The following AKAP13 variants were observed in gnomAD, a reference collection of about 807,000 sequenced individuals.
AKAP13 encodes the protein A-kinase anchor protein 13.
In AKAP13, 80 loss-of-function variants were observed where a neutral mutation model predicts 264.5. That is an observed-to-expected ratio of 0.30 (90% CI 0.25 to 0.36). The LOEUF (loss-of-function observed/expected upper bound fraction) is 0.36, where lower values mean the gene tolerates loss of function less well. AKAP13 is among the 10% of genes least tolerant of loss of function. The probability of loss-of-function intolerance (pLI) is 1.00; values close to 1 mark genes in which losing one functional copy is unlikely to be tolerated. For missense variants in AKAP13, 3,712 were observed against 3,435.2 expected (o/e 1.08, Z -2.01); for synonymous variants, 1,380 against 1,250.2 (o/e 1.10, Z -2.19).
chr15:85,482,215 A>G (rs1044727274), intron 1 of AKAP13, among the ~76,000 whole-genome samples: 9 of 152,124 alleles, frequency 5.9e-5, no homozygotes, highest in Non-Finnish European at 1.3e-4. Context: ...TATTTCTATT[A>G]CTTGCTTTTT....
intron 2 of AKAP13, among the ~76,000 whole-genome samples, chr15:85,499,287 A>AT (rs781301843): frequency 1.4e-4 from 21 of 152,106 alleles, no homozygotes; most frequent in Non-Finnish European, 2.8e-4. Context: ...AGCACTTCAC[A>AT]TTTTTTTCAT....
intron 14 of AKAP13, 40 bp from the exon 15 acceptor site, chr15:85,682,118 A>C (rs1597040313): frequency 6.3e-7 from 1 of 1,595,162 alleles, no homozygotes; most frequent in East Asian, 2.2e-5. Flanking sequence ...ATCAGTGTTA[A>C]ATTTTTTGGT....
intron 1 of AKAP13, among the ~76,000 whole-genome samples, chr15:85,464,258 T>A (rs553666582): frequency 2.5e-4 from 38 of 152,316 alleles, no homozygotes; most frequent in Non-Finnish European, 4.4e-4. Flanking sequence ...TAGTATGTGT[T>A]AAAAATAGTT....
At chr15:85,650,779 A>C (rs1245560690) in intron 10 of AKAP13, among the ~76,000 whole-genome samples, 10 of 145,848 alleles carry the variant, frequency 6.9e-5, no homozygotes, top group African/African-American at 1.7e-4. Flanking sequence ...AAAAAAAAAA[A>C]AAAAAAAAAA....
intron 10 of AKAP13, among the ~76,000 whole-genome samples, chr15:85,648,183 TC>T (rs1460975170): frequency 1.3e-5 from 2 of 152,248 alleles, no homozygotes; most frequent in Non-Finnish European, 2.9e-5. Flanking sequence ...ATCTCTAAGT[TC>T]CAGCTTTAAA....
At chr15:85,558,124 T>TA (rs922399942) in intron 5 of AKAP13, among the ~76,000 whole-genome samples, 1 of 152,106 alleles carries the variant, frequency 6.6e-6, no homozygotes, top group Non-Finnish European at 1.5e-5. Flanking sequence ...ATTGAAAAGT[T>TA]AAAAAAAATC....
At chr15:85,418,076 T>C (rs975177898) in intron 1 of AKAP13, among the ~76,000 whole-genome samples, 2 of 148,888 alleles carry the variant, frequency 1.3e-5, no homozygotes, top group Admixed American at 6.7e-5. Flanking sequence ...TCATTATTAT[T>C]ATTATTATTA....
intron 1 of AKAP13, among the ~76,000 whole-genome samples, chr15:85,442,973 C>G (rs1012929574): frequency 2.6e-5 from 4 of 152,160 alleles, no homozygotes; most frequent in African/African-American, 9.7e-5. Context: ...TTCATCCTCC[C>G]TAACTCCCTG....
chr15:85,508,971 A>G (rs1291687848), intron 2 of AKAP13, among the ~76,000 whole-genome samples: 4 of 152,120 alleles, frequency 2.6e-5, no homozygotes, highest in Non-Finnish European at 5.9e-5. Context: ...TATTTCAGAC[A>G]AACTTTAACC....
At chr15:85,695,928 A>T (rs1175525815) in intron 17 of AKAP13, among the ~76,000 whole-genome samples, 1 of 152,198 alleles carries the variant, frequency 6.6e-6, no homozygotes, top group Non-Finnish European at 1.5e-5. Context: ...TAGCCATTGG[A>T]CACAGTTAGC....
chr15:85,679,084 CA>C (rs2084430417), intron 14 of AKAP13, among the ~76,000 whole-genome samples: 1 of 151,730 alleles, frequency 6.6e-6, no homozygotes, highest in African/African-American at 2.4e-5. Context: ...ACCAAAAATA[CA>C]AAAAAATTAG....
At chr15:85,662,322 A>C in intron 12 of AKAP13, 402 of 1,558,178 alleles carry the variant, frequency 2.6e-4, no homozygotes, top group Non-Finnish European at 3.4e-4. Context: ...TTTAAACCTA[A>C]TAACCCCATT....
intron 8 of AKAP13, among the ~76,000 whole-genome samples, chr15:85,601,649 T>TG (rs1567149362): frequency 6.0e-4 from 91 of 151,018 alleles, no homozygotes; most frequent in African/African-American, 1.3e-3. Context: ...TGTGTGTGTG[T>TG]TTTTCTTCCA....
intron 1 of AKAP13, among the ~76,000 whole-genome samples, chr15:85,463,801 CTTTACT>C (rs1386050421): frequency 1.3e-5 from 2 of 149,242 alleles, no homozygotes; most frequent in African/African-American, 4.9e-5. Flanking sequence ...TTTGTTGGGT[CTTTACT>C]TTTTTTTTTT....
intron 35 of AKAP13, among the ~76,000 whole-genome samples, chr15:85,742,332 TAATGGGGAAGCACAC>T (rs1213619009): frequency 1.3e-5 from 2 of 152,148 alleles, no homozygotes; most frequent in African/African-American, 4.8e-5. Flanking sequence ...ACTTGTAGCT[TAATGGGGAAGCACAC>T]CAAGAATAAA....
At chr15:85,507,801 A>G (rs1285051387) in intron 2 of AKAP13, among the ~76,000 whole-genome samples, 2 of 152,240 alleles carry the variant, frequency 1.3e-5, no homozygotes, top group Non-Finnish European at 2.9e-5. Flanking sequence ...ATATGATGGC[A>G]GTAGCACCTA....
chr15:85,545,307 T>G (rs971555681), intron 5 of AKAP13, among the ~76,000 whole-genome samples: 1 of 152,236 alleles, frequency 6.6e-6, no homozygotes. Context: ...CAAATGCATT[T>G]CCTCTAAATT....
chr15:85,603,246 A>G (rs542644352), intron 8 of AKAP13, among the ~76,000 whole-genome samples: 1 of 152,366 alleles, frequency 6.6e-6, no homozygotes, highest in African/African-American at 2.4e-5. Flanking sequence ...ACACAGAAGT[A>G]TTATGTGTTT....
chr15:85,424,690 G>T (rs1222831715), intron 1 of AKAP13, among the ~76,000 whole-genome samples: 1 of 152,208 alleles, frequency 6.6e-6, no homozygotes, highest in African/African-American at 2.4e-5. Context: ...TTGGCTGTTT[G>T]TTGCAAGAGG....
Sources: gnomAD v4.1 joint callset for allele counts (sites outside exome capture counted in the v4.1 genomes callset) on GRCh38, gnomAD v4.1.1 for gene constraint, MANE v1.5 for transcripts, NCBI Gene and HGNC (gene_info 2026-07-23, HGNC 2026-07-21) for gene names.